The following STX8 variants were observed in gnomAD, a reference collection of about 807,000 sequenced individuals.
STX8 encodes the protein syntaxin 8.
In STX8, 23 loss-of-function variants were observed where a neutral mutation model predicts 37.5. The observed-to-expected ratio is 0.61, with a 90% CI of 0.44 to 0.87. The LOEUF is 0.87. Among genes scored for constraint, STX8 ranks in the 40% least tolerant of loss-of-function variants. The probability of loss-of-function intolerance (pLI) is 0.00; values close to 1 mark genes in which losing one functional copy is unlikely to be tolerated. For missense variants in STX8, 313 were observed against 284.7 expected (o/e 1.10, Z -0.71); for synonymous variants, 115 against 99.1 (o/e 1.16, Z -0.95).
chr17:9,280,897 G>A (rs1907858123), intron 7 of STX8, among the ~76,000 whole-genome samples: 1 of 152,196 alleles, frequency 6.6e-6, no homozygotes, highest in Non-Finnish European at 1.5e-5. Flanking sequence ...AATTGATGTG[G>A]AGGCACAGTA....
intron 7 of STX8, among the ~76,000 whole-genome samples, chr17:9,325,248 C>T (rs1257611566): frequency 1.3e-5 from 2 of 152,148 alleles, no homozygotes; most frequent in Non-Finnish European, 2.9e-5. Context: ...ACATAACCCC[C>T]TCATAAGTCA....
chr17:9,462,657 A>C (rs1392385928), intron 6 of STX8, among the ~76,000 whole-genome samples: 3 of 152,062 alleles, frequency 2.0e-5, no homozygotes, highest in Non-Finnish European at 4.4e-5. Flanking sequence ...TGGAAGGTGG[A>C]GGTTGCAGTG....
chr17:9,312,634 G>A (rs1270541075), intron 7 of STX8, among the ~76,000 whole-genome samples: 1 of 152,192 alleles, frequency 6.6e-6, no homozygotes, highest in Non-Finnish European at 1.5e-5. Context: ...ACGCAAGCTG[G>A]ACTGATTTGT....
At chr17:9,255,541 AATAAATAAATAAATAT>A (rs1161826584) in intron 7 of STX8, among the ~76,000 whole-genome samples, 837 of 70,634 alleles carry the variant, frequency 0.012, 9 homozygotes, top group African/African-American at 0.03. Context: ...TAAATAAATA[AATAAATAAATAAATAT>A]ATAAATAAAT....
At chr17:9,327,087 G>A (rs1164239214) in intron 7 of STX8, among the ~76,000 whole-genome samples, 2 of 151,758 alleles carry the variant, frequency 1.3e-5, no homozygotes, top group Non-Finnish European at 2.9e-5. Flanking sequence ...AACCTGGGAG[G>A]CGGAGGTTGC....
Position 9,419,006 on chromosome 17 carries a change from C to T in STX8, c.542-40353G>A, listed in dbSNP as rs541132326. Among the ~76,000 whole-genome samples, 5 of 150,532 alleles carry T rather than the reference C, an allele frequency of 3.3e-5. No homozygotes were observed. In the South Asian group the frequency reaches 1.1e-3, roughly 32 times the overall value. ...TGGCACCATCACAGTTCACTACAGC[C>T]TCAACCTCCTGGGCTCAAGCAATCC... On this transcript the variant is annotated intron_variant, in intron 6 of 7. Coordinates refer to ENST00000306357, the MANE Select transcript of STX8 (RefSeq NM_004853.3).
chr17:9,454,120 A>C (rs968260355), intron 6 of STX8, among the ~76,000 whole-genome samples: 3 of 152,236 alleles, frequency 2.0e-5, no homozygotes, highest in Non-Finnish European at 4.4e-5. Flanking sequence ...TGATTATTTC[A>C]GCTATAGTCC....
chr17:9,448,418 C>T (rs532748202), intron 6 of STX8, among the ~76,000 whole-genome samples: 2 of 152,116 alleles, frequency 1.3e-5, no homozygotes, highest in Non-Finnish European at 2.9e-5. Context: ...AGTGTCCTTT[C>T]GGCGGTGTGT....
At chr17:9,517,846 T>A (rs1905200591) in intron 4 of STX8, among the ~76,000 whole-genome samples, 1 of 140,210 alleles carries the variant, frequency 7.1e-6, no homozygotes. Context: ...GAAGAATGCG[T>A]GAGGTTTAGT....
intron 7 of STX8, among the ~76,000 whole-genome samples, chr17:9,320,479 TATC>T (rs1423560684): frequency 6.6e-6 from 1 of 152,112 alleles, no homozygotes. Flanking sequence ...GGGAGGGAAA[TATC>T]ATTAACCATA....
At chr17:9,304,860 T>C (rs543529102) in intron 7 of STX8, among the ~76,000 whole-genome samples, 147 of 151,424 alleles carry the variant, frequency 9.7e-4, no homozygotes, top group Non-Finnish European at 1.7e-3. Context: ...TATAAAAGAA[T>C]GTATGTGCTA....
At chr17:9,439,774 G>A (rs747830462) in intron 6 of STX8, among the ~76,000 whole-genome samples, 11 of 151,962 alleles carry the variant, frequency 7.2e-5, no homozygotes, top group African/African-American at 2.2e-4. Flanking sequence ...GATTACAGGC[G>A]TGAGTGAGCC....
At chr17:9,448,199 T>C (rs1376000448) in intron 6 of STX8, among the ~76,000 whole-genome samples, 1 of 150,444 alleles carries the variant, frequency 6.6e-6, no homozygotes, top group African/African-American at 2.4e-5. Flanking sequence ...AGTTTGATCC[T>C]CATTATTCAT....
chr17:9,329,739 C>T (rs774705891), intron 7 of STX8, among the ~76,000 whole-genome samples: 1 of 152,198 alleles, frequency 6.6e-6, no homozygotes, highest in African/African-American at 2.4e-5. Flanking sequence ...GGTAGGAGCC[C>T]GTCACAGCCA....
intron 6 of STX8, among the ~76,000 whole-genome samples, chr17:9,459,661 A>G (rs530042729): frequency 3.3e-5 from 5 of 152,166 alleles, no homozygotes; most frequent in African/African-American, 1.2e-4. Flanking sequence ...GACTACAGGC[A>G]CCCACCACGA....
chr17:9,501,997 T>G (rs556797317), intron 5 of STX8, among the ~76,000 whole-genome samples: 3 of 152,038 alleles, frequency 2.0e-5, no homozygotes, highest in East Asian at 3.9e-4. Flanking sequence ...CCAAACATGA[T>G]GAGCTGTCAC....
intron 6 of STX8, among the ~76,000 whole-genome samples, chr17:9,490,581 C>G (rs1419042467): frequency 6.6e-6 from 1 of 152,106 alleles, no homozygotes; most frequent in East Asian, 1.9e-4. Flanking sequence ...TCATGTTGGC[C>G]AGGCTGGTCT....
At chr17:9,340,610 C>T (rs944030018) in intron 7 of STX8, among the ~76,000 whole-genome samples, 1 of 147,818 alleles carries the variant, frequency 6.8e-6, no homozygotes, top group African/African-American at 2.5e-5. Flanking sequence ...TGTATTTTTC[C>T]AGTGAATATA....
intron 7 of STX8, among the ~76,000 whole-genome samples, chr17:9,349,360 G>T (rs1176392304): frequency 8.7e-4 from 55 of 63,326 alleles, no homozygotes; most frequent in Admixed American, 2.1e-3. Flanking sequence ...TGCTCTTGTT[G>T]TCCAGGCTAG....
Sources: gnomAD v4.1 joint callset for allele counts (sites outside exome capture counted in the v4.1 genomes callset) on GRCh38, gnomAD v4.1.1 for gene constraint, MANE v1.5 for transcripts, NCBI Gene and HGNC (gene_info 2026-07-23, HGNC 2026-07-21) for gene names.